DTNBP1: variants seen among roughly 807,000 people sequenced by gnomAD.
DTNBP1 encodes dysbindin.
DTNBP1 carries 35 observed loss-of-function variants against 42.8 expected under a neutral mutation model. The ratio of observed to expected loss-of-function variants is 0.82; its 90% CI spans 0.63 to 1.09. The LOEUF (loss-of-function observed/expected upper bound fraction) is 1.09. Ranked by LOEUF, DTNBP1 falls within the 50% of genes least tolerant of loss-of-function variation. The pLI is 0.00. For synonymous variants in DTNBP1, 171 were observed against 162.2 expected, an observed-to-expected ratio of 1.05 and a Z score of -0.41; for missense variants, 457 against 424.2, an observed-to-expected ratio of 1.08 and a Z score of -0.68.
At chr6:15,572,817 AACCTCCCTGACGTAAGTGATCCTCCC>A (rs1775395500) in intron 7 of DTNBP1, among the ~76,000 whole-genome samples, 3 of 151,978 alleles carry the variant, frequency 2.0e-5, no homozygotes, top group African/African-American at 7.3e-5. Flanking sequence ...CTGCACCTTC[AACCTCCCTGACGTAAGTGATCCTCCC>A]ACCTCAGCCT....
intron 5 of DTNBP1, among the ~76,000 whole-genome samples, chr6:15,625,284 C>T (rs1036367124): frequency 2.0e-5 from 3 of 152,070 alleles, no homozygotes; most frequent in African/African-American, 7.2e-5. Flanking sequence ...CTAAAAAAAA[C>T]TGAACTAACT....
At chr6:15,592,620 A>G (rs1285645378) in intron 7 of DTNBP1, among the ~76,000 whole-genome samples, 1 of 152,218 alleles carries the variant, frequency 6.6e-6, no homozygotes, top group Admixed American at 6.5e-5. Context: ...TGAAAAGGTA[A>G]GAGACTCATC....
At chr6:15,540,099 G>T (rs750044290) in intron 7 of DTNBP1, among the ~76,000 whole-genome samples, 1 of 152,096 alleles carries the variant, frequency 6.6e-6, no homozygotes, top group Non-Finnish European at 1.5e-5. Flanking sequence ...ACTATGCACT[G>T]AAAATCACCT....
At chr6:15,632,883 C>A (rs1287267115) in intron 4 of DTNBP1, among the ~76,000 whole-genome samples, 2 of 152,196 alleles carry the variant, frequency 1.3e-5, no homozygotes, top group Admixed American at 1.3e-4. Flanking sequence ...TGAAGAATGT[C>A]TCCCAGGTAG....
At chr6:15,575,672 C>T (rs1775531526) in intron 7 of DTNBP1, among the ~76,000 whole-genome samples, 1 of 152,192 alleles carries the variant, frequency 6.6e-6, no homozygotes, top group South Asian at 2.1e-4. Context: ...TTTCAAAATA[C>T]TGTCTGGTCC....
intron 9 of DTNBP1, 29 bp downstream of exon 9, chr6:15,524,481 ATCGATACTGCCCTGGT>A (rs771723544): frequency 1.9e-6 from 3 of 1,612,862 alleles, no homozygotes; most frequent in East Asian, 4.5e-5. Flanking sequence ...GGGGAGTGGC[ATCGATACTGCCCTGGT>A]TCAGCTAATG....
At chr6:15,538,601 C>T (rs934643596) in intron 7 of DTNBP1, among the ~76,000 whole-genome samples, 4 of 152,202 alleles carry the variant, frequency 2.6e-5, no homozygotes, top group African/African-American at 9.7e-5. Context: ...ATCTATTACA[C>T]AGCAATATGG....
At chr6:15,644,605 A>G (rs891183922) in intron 3 of DTNBP1, among the ~76,000 whole-genome samples, 1 of 152,188 alleles carries the variant, frequency 6.6e-6, no homozygotes, top group African/African-American at 2.4e-5. Flanking sequence ...GTGGAATAAA[A>G]TCAAAATAAA....
chr6:15,575,816 T>C (rs1264818942), intron 7 of DTNBP1, among the ~76,000 whole-genome samples: 3 of 152,070 alleles, frequency 2.0e-5, no homozygotes, highest in Non-Finnish European at 4.4e-5. Context: ...GAGGGAGAGA[T>C]GGGGCAGTTT....
intron 7 of DTNBP1, among the ~76,000 whole-genome samples, chr6:15,540,249 C>A (rs976188846): frequency 6.6e-6 from 1 of 152,130 alleles, no homozygotes; most frequent in African/African-American, 2.4e-5. Flanking sequence ...CTTCAGTTGT[C>A]AACATATCTG....
At chr6:15,564,145 A>G (rs1329607342) in intron 7 of DTNBP1, among the ~76,000 whole-genome samples, 3 of 151,132 alleles carry the variant, frequency 2.0e-5, no homozygotes, top group Non-Finnish European at 4.4e-5. Flanking sequence ...CTCCTCATTT[A>G]GCGGCTCCAC....
chr6:15,529,677 G>A (rs1772675981), intron 8 of DTNBP1, among the ~76,000 whole-genome samples: 1 of 152,216 alleles, frequency 6.6e-6, no homozygotes, highest in Non-Finnish European at 1.5e-5. Context: ...GGAACACAGA[G>A]CCAGAAAACC....
intron 3 of DTNBP1, among the ~76,000 whole-genome samples, chr6:15,645,893 ACT>A (rs937441624): frequency 6.6e-6 from 1 of 151,920 alleles, no homozygotes; most frequent in African/African-American, 2.4e-5. Flanking sequence ...AAGGATGTCC[ACT>A]CTCACCACTC....
At chr6:15,588,633 C>A (rs1230947624) in intron 7 of DTNBP1, among the ~76,000 whole-genome samples, 3 of 152,264 alleles carry the variant, frequency 2.0e-5, no homozygotes, top group Non-Finnish European at 2.9e-5. Flanking sequence ...GCATTCAAGG[C>A]TGGGTACCAG....
In DTNBP1 at chr6:15,620,343, T is replaced by C. The variant is rs566386278; in HGVS notation, c.356-4944A>G. 2.0e-3 allele frequency among the ~76,000 whole-genome samples: 300 copies of C among 152,268 alleles called. 1 individual carries two copies. Among genetic ancestry groups the C allele is most frequent in the Non-Finnish European group, 2.7e-3 (181 of 68,028 alleles). On this transcript the variant is annotated intron_variant, in intron 5 of 9. Transcript: ENST00000344537. ...TATATGGGGGAATCAGGCAAAATGA[T>C]GTACTGCCATTTATATATATATTTT...
At chr6:15,533,103 C>A (rs1439799626) in intron 8 of DTNBP1, 137 bp downstream of exon 8, 1 of 1,349,938 alleles carries the variant, frequency 7.4e-7, no homozygotes, top group Admixed American at 2.0e-5. Flanking sequence ...CCGACGCACA[C>A]ATTTTGGTTG....
At chr6:15,552,185 G>A (rs777098800) in intron 7 of DTNBP1, among the ~76,000 whole-genome samples, 2 of 152,104 alleles carry the variant, frequency 1.3e-5, no homozygotes, top group Non-Finnish European at 2.9e-5. Context: ...AAAAAGTGAC[G>A]TTACCCAAGG....
intron 7 of DTNBP1, among the ~76,000 whole-genome samples, chr6:15,591,389 G>A (rs1369154142): frequency 1.3e-5 from 2 of 152,122 alleles, no homozygotes; most frequent in African/African-American, 4.8e-5. Context: ...GGGATTACAG[G>A]CGTGAGCTAC....
intron 7 of DTNBP1, among the ~76,000 whole-genome samples, chr6:15,536,529 G>C (rs2127801276): frequency 6.6e-6 from 1 of 152,384 alleles, no homozygotes; most frequent in Non-Finnish European, 1.5e-5. Context: ...TGTTAGGCCT[G>C]CGGGTGCACG....
Sources: gnomAD v4.1 joint callset for allele counts (sites outside exome capture counted in the v4.1 genomes callset) on GRCh38, gnomAD v4.1.1 for gene constraint, MANE v1.5 for transcripts, NCBI Gene and HGNC (gene_info 2026-07-23, HGNC 2026-07-21) for gene names.